The following LCT variants were observed in gnomAD, a reference collection of about 807,000 sequenced individuals.
The protein encoded by LCT is lactase/phlorizin hydrolase.
A neutral mutation model predicts 173.0 loss-of-function variants in LCT; 90 were observed. That is an observed-to-expected ratio of 0.52 (90% CI 0.44 to 0.62). LCT has a LOEUF of 0.62. Among genes scored for constraint, LCT ranks in the 20% least tolerant of loss-of-function variants. The probability of loss-of-function intolerance (pLI) is 0.00; values close to 1 mark genes in which losing one functional copy is unlikely to be tolerated. For synonymous variants in LCT, 853 were observed against 957.6 expected, an observed-to-expected ratio of 0.89 and a Z score of 2.02; for missense variants, 1,864 against 2,431.4, an observed-to-expected ratio of 0.77 and a Z score of 4.91.
Position 135,789,806 on chromosome 2 carries a change from AAC to A in LCT, c.5336-10_5336-9del. ...CCACCTTGTCCTGCACAGCTGCTCA[AAC>A]ACAGAGGACTAGGCATAAGTTTCCT... On this transcript the variant is annotated splice_polypyrimidine_tract_variant and intron_variant, in intron 15 of 16. Coordinates refer to ENST00000264162, the MANE Select transcript of LCT (RefSeq NM_002299.4). 2 of 1,610,090 alleles carry A rather than the reference AAC, an allele frequency of 1.2e-6. No individual in the cohort carries two copies. Among genetic ancestry groups the A allele is most frequent in the Non-Finnish European group, 1.7e-6 (2 of 1,176,294 alleles).
chr2:135,799,010 C>T (rs1259750515), intron 12 of LCT, among the ~76,000 whole-genome samples: 1 of 152,290 alleles, frequency 6.6e-6, no homozygotes, highest in South Asian at 2.1e-4. Flanking sequence ...GACAGCCTAA[C>T]GTTTCCTGAC....
chr2:135,818,984 A>G lies in LCT; in HGVS notation c.987-923T>C, dbSNP rs985048413. Among the ~76,000 whole-genome samples the G allele has an allele frequency of 5.9e-5, 9 of 152,162 alleles. 1 individual carries two copies. Among genetic ancestry groups the G allele is most frequent in the African/African-American group, 2.2e-4 (9 of 41,440 alleles). ...TTCATGCTGCTTGGATTTCTGACAT[A>G]ATGGCAGGAGCTCAAGCATCCATCC... is the stretch of plus-strand genomic sequence containing the variant. On this transcript the variant is annotated intron_variant, in intron 5 of 16. Transcript: ENST00000264162.
intron 1 of LCT, 119 bp from the exon 2 acceptor site, chr2:135,833,309 T>C (rs2077954615): frequency 2.5e-6 from 2 of 792,660 alleles, no homozygotes; most frequent in Non-Finnish European, 4.5e-6. Flanking sequence ...GACTTTACTC[T>C]AGCTGAAAGA....
rs1402337127 is a variant in LCT, at chr2:135,794,699, T to C, written c.5053A>G (p.Thr1685Ala). The C allele has an allele frequency of 3.7e-6, 6 of 1,613,966 alleles. No individual in the cohort carries two copies. Among genetic ancestry groups the C allele is most frequent in the Non-Finnish European group, 5.1e-6 (6 of 1,179,950 alleles). Residue 1685 changes from threonine (T) to alanine (A), a missense_variant, in exon 14 of 17, where the codon ACT becomes GCT. Around this residue, in one of 4 missense-constraint regions of LCT, gnomAD observed 514 missense variants for 750.1 expected, o/e 0.69. Transcript: ENST00000264162. ...YDFFGFNHYT[T>A]VLAYNLNYAT... ...TAGTTGAGGTTGTAGGCGAGGACAG[T>C]GGTGTAGTGATTGAACCCAAAAAAG...
intron 4 of LCT, chr2:135,822,299 A>G (rs912555121): frequency 3.5e-6 from 2 of 564,614 alleles, no homozygotes; most frequent in Non-Finnish European, 6.4e-6. Flanking sequence ...AGTGGTTCTC[A>G]AACTTCAAGG....
Position 135,788,114 on chromosome 2 carries a change from A to G in LCT, c.*210T>C, listed in dbSNP as rs1169450689. On this transcript the variant is annotated 3_prime_UTR_variant, in exon 17 of 17. Transcript: ENST00000264162. ...GAGCTACTTGCTTCTCAAATGCCCA[A>G]ATGAACTCTGATACTGGAGCAAGAT... 6 of 597,714 alleles carry G rather than the reference A, an allele frequency of 1.0e-5. No individual in the cohort carries two copies. Among genetic ancestry groups the G allele is most frequent in the Non-Finnish European group, 1.8e-5 (6 of 335,336 alleles). 37.0% of individuals were successfully genotyped at this position (597,714 alleles called of 1,614,324 possible).
intron 6 of LCT, among the ~76,000 whole-genome samples, chr2:135,813,200 C>T (rs2077749975): frequency 6.6e-6 from 1 of 152,196 alleles, no homozygotes; most frequent in East Asian, 1.9e-4. Flanking sequence ...AAGTTAACAA[C>T]ATAAACAACA....
chr2:135,798,603 C>T lies in LCT; in HGVS notation c.4867-465G>A, dbSNP rs770901922. 7.2e-5 allele frequency among the ~76,000 whole-genome samples: 11 copies of T among 152,178 alleles called. No homozygotes were observed. The East Asian group carries it at 1.2e-3, about 16-fold the overall frequency. On this transcript the variant is annotated intron_variant, in intron 12 of 16. Transcript: ENST00000264162. ...GAAATGCAAGGCTTTCCTGACTTTC[C>T]GGGCAAAGTATAACTCTTAATGGGC...
In LCT at chr2:135,790,577, G is replaced by A; in HGVS notation, c.5335+81C>T. 1 of 893,830 alleles carries A rather than the reference G, an allele frequency of 1.1e-6. No homozygotes were observed. Among genetic ancestry groups the A allele is most frequent in the Non-Finnish European group, 1.9e-6 (1 of 539,866 alleles). The allele number at this position is 893,830 out of a possible 1,614,324, so 55.4% of individuals were successfully genotyped here. A position where few individuals can be genotyped will look rare whatever the true frequency, so the allele number is the denominator to read the frequency against. ...CGTTCTCTTCTTACTGTGGCCCAAG[G>A]ACGCTGTATCACACTCCTGCAAATA... On this transcript the variant is annotated intron_variant, in intron 15 of 16. Transcript: ENST00000264162. The surrounding 1 kb of genome is among the most constrained non-coding windows in gnomAD (Gnocchi z 4.1).
In LCT at chr2:135,837,105, C is replaced by T; in HGVS notation, c.65G>A (p.Trp22Ter). The T allele has an allele frequency of 6.2e-7, 1 of 1,613,058 alleles. No individual in the cohort carries two copies. The highest frequency in any genetic ancestry group is 1.1e-5 in the South Asian group (1 of 91,044). The change falls in exon 1 of 17, where the codon TGG (tryptophan) becomes TAG (stop). Residue 22 changes from tryptophan to a stop codon, truncating the protein, a stop_gained. Transcript: ENST00000264162. LOFTEE classifies it high-confidence loss of function. ...GGAAATGAAATTTCTATCAGACTCC[C>T]AGTCTGACCCCCAGCATGAAAAACT... is the stretch of plus-strand genomic sequence containing the variant. ...LLSFSCWGSD[W>*]ESDRNFISTA... is the part of the protein sequence containing the mutation.
chr2:135,794,511 T>C, intron 14 of LCT, 130 bp downstream of exon 14: 1 of 989,290 alleles, frequency 1.0e-6, no homozygotes, highest in Non-Finnish European at 1.6e-6. Flanking sequence ...GTGGCGAGCA[T>C]CTTGCAAACC....
chr2:135,797,891 T>C, intron 13 of LCT, 138 bp downstream of exon 13: 1 of 698,660 alleles, frequency 1.4e-6, no homozygotes, highest in East Asian at 2.6e-5. Context: ...CAGTGCCAGG[T>C]GCTGGGCTAA....
chr2:135,808,350 G>C, intron 8 of LCT, 93 bp downstream of exon 8: 1 of 985,220 alleles, frequency 1.0e-6, no homozygotes, highest in Non-Finnish European at 1.7e-6. Flanking sequence ...GAGATCTATT[G>C]ATGGTTCATA....
chr2:135,791,995 A>G (rs2077536523), intron 14 of LCT, among the ~76,000 whole-genome samples: 1 of 152,238 alleles, frequency 6.6e-6, no homozygotes, highest in Admixed American at 6.5e-5. Context: ...AGAAAAACCA[A>G]AAGAATTCAC....
At position 135,810,013 on chromosome 2, in the gene LCT, T is replaced by C. The variant is rs767152767; in HGVS notation, c.2354-20A>G. The C allele has an allele frequency of 3.4e-6, 5 of 1,475,084 alleles. No homozygotes were observed. In the Admixed American group the frequency reaches 8.6e-5, roughly 25 times the overall value. 91.4% of individuals were successfully genotyped at this position (1,475,084 alleles called of 1,614,324 possible). ...TGATAGCTGTGAAGAAAAATAAAAA[T>C]TAGATTTATTTATTTATGGATTTAT... On this transcript the variant is annotated intron_variant, in intron 7 of 16. Coordinates refer to ENST00000264162, the MANE Select transcript of LCT (RefSeq NM_002299.4).
intron 10 of LCT, among the ~76,000 whole-genome samples, chr2:135,804,396 T>C (rs1232397460): frequency 1.3e-5 from 2 of 152,170 alleles, no homozygotes; most frequent in Admixed American, 6.5e-5. Flanking sequence ...AAAGTTAAAT[T>C]TGAGGTCGAG....
At chr2:135,822,272 C>T (rs2077840823) in intron 4 of LCT, 174 bp from the exon 5 acceptor site, 1 of 608,078 alleles carries the variant, frequency 1.6e-6, no homozygotes, top group Non-Finnish European at 2.9e-6. Flanking sequence ...GTGAATTCTA[C>T]TTACTTATTA....
chr2:135,826,714 A>C (rs2077892409), intron 3 of LCT, among the ~76,000 whole-genome samples: 1 of 152,206 alleles, frequency 6.6e-6, no homozygotes, highest in South Asian at 2.1e-4. Flanking sequence ...GTCTGAACCC[A>C]TTAGCCTAGC....
intron 14 of LCT, chr2:135,794,419 C>A: frequency 3.4e-6 from 2 of 588,266 alleles, no homozygotes; most frequent in Non-Finnish European, 6.1e-6. Context: ...AAGCCAAGCA[C>A]ATGTGCCCTA....
Sources: allele counts gnomAD v4.1 joint callset (sites outside exome capture counted in the v4.1 genomes callset), GRCh38; gene constraint gnomAD v4.1.1; regional missense constraint gnomAD v4.1.1; non-coding constraint Gnocchi (gnomAD v3.1); transcripts MANE v1.5; gene names NCBI Gene and HGNC (gene_info 2026-07-23, HGNC 2026-07-21).